LARGE1: variants seen among roughly 807,000 people sequenced by gnomAD.
The protein encoded by LARGE1 is xylosyl- and glucuronyltransferase LARGE1.
Under a neutral mutation model 87.6 loss-of-function variants are expected in LARGE1, and 43 were observed. That is an observed-to-expected ratio of 0.49 (90% CI 0.38 to 0.63). The LOEUF (loss-of-function observed/expected upper bound fraction) is 0.63, where lower values mean the gene tolerates loss of function less well. LARGE1 is among the 30% of genes least tolerant of loss of function. The pLI, the probability that LARGE1 is intolerant of heterozygous loss-of-function variation, is 0.00. For synonymous variants in LARGE1, 434 were observed against 394.6 expected, an observed-to-expected ratio of 1.10 and a Z score of -1.18; for missense variants, 802 against 1,000.2, an observed-to-expected ratio of 0.80 and a Z score of 2.67.
At chr22:33,773,606 C>A (rs1216199216) in intron 1 of LARGE1, among the ~76,000 whole-genome samples, 2 of 152,308 alleles carry the variant, frequency 1.3e-5, no homozygotes, top group South Asian at 2.1e-4. Flanking sequence ...AAGCAAACTC[C>A]AAGGCACAGT....
chr22:33,308,008 G>A (rs1361788107), intron 11 of LARGE1, among the ~76,000 whole-genome samples: 4 of 152,098 alleles, frequency 2.6e-5, no homozygotes, highest in Admixed American at 2.6e-4. Flanking sequence ...TCCCATGTTG[G>A]TTCCCACTAC....
At chr22:33,804,600 A>G (rs925736235) in intron 1 of LARGE1, among the ~76,000 whole-genome samples, 4 of 152,198 alleles carry the variant, frequency 2.6e-5, no homozygotes, top group Non-Finnish European at 5.9e-5. Flanking sequence ...ACTTTGCAGA[A>G]AGCCAGCTGC....
At chr22:33,878,125 A>ATTTT (rs1601836110) in intron 1 of LARGE1, among the ~76,000 whole-genome samples, 2 of 51,236 alleles carry the variant, frequency 3.9e-5, no homozygotes, top group East Asian at 7.2e-4. Context: ...TTTATATTGT[A>ATTTT]TTTCTTTTTT....
intron 11 of LARGE1, among the ~76,000 whole-genome samples, chr22:33,167,050 C>G (rs968694376): frequency 6.6e-6 from 1 of 152,056 alleles, no homozygotes; most frequent in African/African-American, 2.4e-5. Flanking sequence ...AATGTAATTC[C>G]AAAAGCAGTA....
chr22:33,822,558 G>A (rs2086857037), intron 1 of LARGE1, among the ~76,000 whole-genome samples: 1 of 151,960 alleles, frequency 6.6e-6, no homozygotes, highest in African/African-American at 2.4e-5. Context: ...CATTAGCCGG[G>A]GTGGTGGCAG....
At chr22:33,682,699 A>G (rs1386186052) in intron 2 of LARGE1, among the ~76,000 whole-genome samples, 1 of 152,220 alleles carries the variant, frequency 6.6e-6, no homozygotes, top group Non-Finnish European at 1.5e-5. Context: ...CTGATTCTCT[A>G]GTAACACACA....
intron 1 of LARGE1, among the ~76,000 whole-genome samples, chr22:33,813,617 G>C (rs5754690): frequency 6.6e-6 from 1 of 152,092 alleles, no homozygotes; most frequent in Non-Finnish European, 1.5e-5. Context: ...GTTCGGCCTC[G>C]GCTGTGGGCT....
At chr22:33,465,924 C>G (rs891754819) in intron 6 of LARGE1, among the ~76,000 whole-genome samples, 1 of 152,208 alleles carries the variant, frequency 6.6e-6, no homozygotes, top group East Asian at 1.9e-4. Flanking sequence ...GCTGTACCAA[C>G]TTTCTTACCT....
chr22:33,694,981 C>A (rs982945718), intron 2 of LARGE1, among the ~76,000 whole-genome samples: 2 of 152,104 alleles, frequency 1.3e-5, no homozygotes, highest in African/African-American at 4.8e-5. Flanking sequence ...GGCTGCATCC[C>A]CAATCCCAGT....
chr22:33,475,405 T>C (rs1314450867), intron 6 of LARGE1, among the ~76,000 whole-genome samples: 1 of 151,732 alleles, frequency 6.6e-6, no homozygotes, highest in African/African-American at 2.4e-5. Context: ...ACCTACTTGA[T>C]AATCAGCATC....
At chr22:33,865,133 A>G (rs1370510262) in intron 1 of LARGE1, among the ~76,000 whole-genome samples, 3 of 152,210 alleles carry the variant, frequency 2.0e-5, no homozygotes, top group Non-Finnish European at 1.5e-5. Context: ...TCTGTGCAGG[A>G]CAAGCTCCCT....
chr22:33,283,111 A>G (rs1930782192), intron 13 of LARGE1, 91 bp downstream of exon 13: 1 of 1,545,282 alleles, frequency 6.5e-7, no homozygotes, highest in Non-Finnish European at 8.9e-7. Flanking sequence ...GCGAGCGACA[A>G]ACTTCCAGAT....
upstream of LARGE1, among the ~76,000 whole-genome samples, chr22:33,921,020 G>A (rs2065932955): frequency 1.3e-5 from 2 of 150,308 alleles, no homozygotes; most frequent in East Asian, 2.0e-4. The surrounding 1 kb of genome is among the most constrained non-coding windows in gnomAD (Gnocchi z 4.1). Context: ...GTGTGTCTGT[G>A]TCATGTCTGT....
chr22:33,312,764 G>A (rs1935745367), intron 11 of LARGE1, among the ~76,000 whole-genome samples: 1 of 152,178 alleles, frequency 6.6e-6, no homozygotes, highest in Non-Finnish European at 1.5e-5. Context: ...GTTAGCTCAC[G>A]GGAGGGGACA....
chr22:33,304,652 C>G, intron 11 of LARGE1, 145 bp from the exon 12 acceptor site: 1 of 846,942 alleles, frequency 1.2e-6, no homozygotes, highest in Non-Finnish European at 1.8e-6. Context: ...TCACTCAGTT[C>G]CTTTACCTAT....
chr22:33,129,924 G>T, the LARGE1 span, among the ~76,000 whole-genome samples: 8 of 152,188 alleles, frequency 5.3e-5, no homozygotes, highest in Non-Finnish European at 8.8e-5. Flanking sequence ...AAGATTTTGG[G>T]TGGGGACACA....
the LARGE1 span, among the ~76,000 whole-genome samples, chr22:33,125,756 T>C: frequency 2.0e-5 from 3 of 152,190 alleles, no homozygotes; most frequent in Non-Finnish European, 2.9e-5. Flanking sequence ...ATTTCTTTTT[T>C]AAATACATTT....
intron 1 of LARGE1, among the ~76,000 whole-genome samples, chr22:33,803,823 A>C (rs1469300964): frequency 1.3e-5 from 2 of 152,206 alleles, no homozygotes; most frequent in African/African-American, 4.8e-5. Flanking sequence ...GCAGGCATCC[A>C]AAATTGTAGA....
intron 6 of LARGE1, among the ~76,000 whole-genome samples, chr22:33,458,631 T>C (rs1182675124): frequency 2.0e-5 from 3 of 151,730 alleles, no homozygotes. Flanking sequence ...TTTCTCCATG[T>C]TGGTCAGGCT....
Sources: gnomAD v4.1 joint callset for allele counts (sites outside exome capture counted in the v4.1 genomes callset) on GRCh38, gnomAD v4.1.1 for gene constraint, Gnocchi (gnomAD v3.1) non-coding constraint, MANE v1.5 for transcripts, NCBI Gene and HGNC (gene_info 2026-07-23, HGNC 2026-07-21) for gene names.